The following ARHGEF3 variants were observed in gnomAD, a reference collection of about 807,000 sequenced individuals.
The protein encoded by ARHGEF3 is Rho guanine nucleotide exchange factor 3, also known as 59.8 kDA protein.
ARHGEF3 carries 28 observed loss-of-function variants against 63.2 expected under a neutral mutation model. The ratio of observed to expected loss-of-function variants is 0.44; its 90% CI spans 0.33 to 0.61. The LOEUF (loss-of-function observed/expected upper bound fraction) is 0.61, where lower values mean the gene tolerates loss of function less well. Ranked by LOEUF, ARHGEF3 falls within the 20% of genes least tolerant of loss-of-function variation. The pLI is 0.03. For synonymous variants in ARHGEF3, 266 were observed against 254.2 expected, an observed-to-expected ratio of 1.05 and a Z score of -0.44; for missense variants, 533 against 659.3, an observed-to-expected ratio of 0.81 and a Z score of 2.10.
intron 4 of ARHGEF3, among the ~76,000 whole-genome samples, chr3:56,826,825 T>C (rs1352209903): frequency 6.6e-6 from 1 of 152,214 alleles, no homozygotes; most frequent in Non-Finnish European, 1.5e-5. Flanking sequence ...ATAAATCTGC[T>C]TTTTTGCTTA....
At chr3:56,999,998 C>G (rs1014434482) in intron 2 of ARHGEF3, among the ~76,000 whole-genome samples, 1 of 152,076 alleles carries the variant, frequency 6.6e-6, no homozygotes, top group African/African-American at 2.4e-5. Context: ...GCTGTGTGGC[C>G]TTGGGCAAAT....
chr3:56,948,410 G>A (rs1699626957), intron 3 of ARHGEF3, among the ~76,000 whole-genome samples: 1 of 151,848 alleles, frequency 6.6e-6, no homozygotes, highest in Non-Finnish European at 1.5e-5. Context: ...AAAGAGAGAA[G>A]AATCAAATAG....
At chr3:56,881,433 C>T (rs191876303) in intron 4 of ARHGEF3, among the ~76,000 whole-genome samples, 3 of 152,280 alleles carry the variant, frequency 2.0e-5, no homozygotes, top group Admixed American at 1.3e-4. Context: ...TCCTACTCCA[C>T]CCCCAAGCCC....
At chr3:56,978,183 T>C (rs1250467665) in intron 2 of ARHGEF3, among the ~76,000 whole-genome samples, 2 of 152,222 alleles carry the variant, frequency 1.3e-5, no homozygotes, top group Non-Finnish European at 2.9e-5. Context: ...GACAAAGATG[T>C]CACTGGACAA....
chr3:57,068,171 A>ACG (rs1163948548), intron 1 of ARHGEF3, among the ~76,000 whole-genome samples: 2 of 143,084 alleles, frequency 1.4e-5, no homozygotes, highest in Non-Finnish European at 3.2e-5. Context: ...ACACACATAC[A>ACG]CACACACACA....
intron 1 of ARHGEF3, among the ~76,000 whole-genome samples, chr3:57,077,456 G>A (rs1385874623): frequency 4.0e-5 from 6 of 149,564 alleles, no homozygotes; most frequent in African/African-American, 1.2e-4. Flanking sequence ...ATTTCAGGAC[G>A]TTCAGTGGGG....
At chr3:56,931,323 C>T (rs2042404341) in intron 3 of ARHGEF3, among the ~76,000 whole-genome samples, 1 of 152,008 alleles carries the variant, frequency 6.6e-6, no homozygotes, top group Non-Finnish European at 1.5e-5. Flanking sequence ...CGCTTGTAAT[C>T]CTAGCACTTT....
At chr3:57,063,107 C>A (rs151307784) in intron 1 of ARHGEF3, among the ~76,000 whole-genome samples, 1 of 152,176 alleles carries the variant, frequency 6.6e-6, no homozygotes. Context: ...AGGGACCAAG[C>A]TCTGCAGATA....
chr3:57,038,225 C>CTGAA (rs1440844916), intron 1 of ARHGEF3, among the ~76,000 whole-genome samples: 3 of 152,104 alleles, frequency 2.0e-5, no homozygotes, highest in African/African-American at 7.2e-5. Context: ...TCGGTGGTGG[C>CTGAA]TGAATGAATG....
intron 3 of ARHGEF3, among the ~76,000 whole-genome samples, chr3:56,907,892 G>A (rs1450501626): frequency 6.6e-6 from 1 of 152,148 alleles, no homozygotes; most frequent in Non-Finnish European, 1.5e-5. Flanking sequence ...AGGACAGGGA[G>A]GATTGGGAAA....
rs570761400 is a variant in ARHGEF3 at position 57,015,779 on chromosome 3, A to G, written c.62+19309T>C. Among the ~76,000 whole-genome samples, 4 of 152,088 alleles carry G rather than the reference A, an allele frequency of 2.6e-5. No homozygotes were observed. The South Asian group carries it at 6.2e-4, about 24-fold the overall frequency. On this transcript the variant is annotated intron_variant, in intron 2 of 12. Transcript: ENST00000338458. ...TTCTTGAAAAGGTCCCCCAAATTAT[A>G]TAAGTTTCAGACCCTCAAAATGGAT...
intron 2 of ARHGEF3, among the ~76,000 whole-genome samples, chr3:56,766,073 G>A (rs1332993412): frequency 6.6e-6 from 1 of 151,792 alleles, no homozygotes; most frequent in Admixed American, 6.6e-5. Flanking sequence ...TATCAACTGG[G>A]ACAGTGGTTT....
At chr3:57,067,482 A>AATAATAATT (rs1705615560) in intron 1 of ARHGEF3, among the ~76,000 whole-genome samples, 1 of 148,094 alleles carries the variant, frequency 6.8e-6, no homozygotes, top group African/African-American at 2.5e-5. Context: ...TAATAATAAT[A>AATAATAATT]ATAATAATAT....
chr3:56,817,857 C>G (rs1237208120), intron 4 of ARHGEF3, among the ~76,000 whole-genome samples: 1 of 152,194 alleles, frequency 6.6e-6, no homozygotes, highest in East Asian at 1.9e-4. Flanking sequence ...TGCCCCGTAC[C>G]CACAGGGCAA....
Position 56,773,480 on chromosome 3 carries a change from T to C in ARHGEF3, c.204+229A>G, listed in dbSNP as rs1340937460. The stretch of plus-strand genomic sequence containing the variant: ...CTGGATGGGGCACATAACTCTGAAA[T>C]ACAATTGTGGGGAAAGGCCCAACCA... On this transcript the variant is annotated intron_variant, in intron 2 of 9. Coordinates refer to ENST00000296315, the MANE Select transcript of ARHGEF3 (RefSeq NM_019555.3). Among the ~76,000 whole-genome samples the C allele has an allele frequency of 2.6e-5, 4 of 152,120 alleles. No individual in the cohort carries two copies. The East Asian group carries it at 5.8e-4, about 22-fold the overall frequency.
intron 2 of ARHGEF3, among the ~76,000 whole-genome samples, chr3:57,017,374 T>G (rs1025938565): frequency 6.6e-6 from 1 of 152,170 alleles, no homozygotes; most frequent in African/African-American, 2.4e-5. Flanking sequence ...ACCCAGGACA[T>G]GCTCTGGGAA....
chr3:57,044,858 A>G (rs1026145433), intron 1 of ARHGEF3, among the ~76,000 whole-genome samples: 3 of 152,208 alleles, frequency 2.0e-5, no homozygotes, highest in African/African-American at 4.8e-5. Flanking sequence ...AGGTATTCCA[A>G]TTTCAACCAG....
chr3:56,757,493 T>G (rs996664868), intron 2 of ARHGEF3, among the ~76,000 whole-genome samples: 5 of 152,112 alleles, frequency 3.3e-5, no homozygotes, highest in African/African-American at 1.2e-4. Context: ...AAAAAAGTTA[T>G]AATTACCTGC....
chr3:57,014,204 A>T (rs1702855674), intron 2 of ARHGEF3, among the ~76,000 whole-genome samples: 1 of 151,776 alleles, frequency 6.6e-6, no homozygotes, highest in Non-Finnish European at 1.5e-5. Flanking sequence ...GAAGGAAAAA[A>T]CTCCAAACAC....
Sources: allele counts gnomAD v4.1 joint callset (sites outside exome capture counted in the v4.1 genomes callset), GRCh38; gene constraint gnomAD v4.1.1; transcripts MANE v1.5; gene names NCBI Gene and HGNC (gene_info 2026-07-23, HGNC 2026-07-21).